SORCS3: variants seen among roughly 807,000 people sequenced by gnomAD.
The protein encoded by SORCS3 is VPS10 domain-containing receptor SorCS3.
A neutral mutation model predicts 146.3 loss-of-function variants in SORCS3; 57 were observed. That is an observed-to-expected ratio of 0.39 (90% CI 0.31 to 0.49). The LOEUF is 0.49. SORCS3 is among the 20% of genes least tolerant of loss of function. The probability of loss-of-function intolerance (pLI) is 0.92; values close to 1 mark genes in which losing one functional copy is unlikely to be tolerated. For missense variants in SORCS3, 1,341 were observed against 1,575.5 expected (o/e 0.85, Z 2.52); for synonymous variants, 653 against 618.5 (o/e 1.06, Z -0.83).
chr10:105,113,431 T>C (rs770274720), intron 7 of SORCS3, among the ~76,000 whole-genome samples: 1 of 152,226 alleles, frequency 6.6e-6, no homozygotes, highest in Non-Finnish European at 1.5e-5. Context: ...TATTCATTCA[T>C]TAAATTAAAC....
intron 17 of SORCS3, among the ~76,000 whole-genome samples, chr10:105,211,513 T>C (rs1168281136): frequency 3.3e-5 from 5 of 152,304 alleles, no homozygotes; most frequent in Middle Eastern, 6.8e-3. Context: ...TTAATCCTTC[T>C]CTTCTGGAAG....
chr10:105,186,906 T>A (rs1046036944), intron 14 of SORCS3, among the ~76,000 whole-genome samples: 2 of 144,264 alleles, frequency 1.4e-5, no homozygotes, highest in African/African-American at 5.1e-5. Context: ...AAAAAAAAAT[T>A]CCCTCTTTCC....
intron 1 of SORCS3, among the ~76,000 whole-genome samples, chr10:104,681,337 C>T (rs945767506): frequency 2.0e-5 from 3 of 152,046 alleles, no homozygotes; most frequent in African/African-American, 7.2e-5. Flanking sequence ...CCTCCCCCGC[C>T]CGCCCCTGCC....
rs73352813 is a variant in SORCS3, at chr10:105,210,752, A to G, written c.2262-385A>G. 6.2e-3 allele frequency among the ~76,000 whole-genome samples: 949 copies of G among 152,278 alleles called. 13 individuals are homozygous for G. The highest frequency in any genetic ancestry group is 0.022 in the African/African-American group (914 of 41,572). On this transcript the variant is annotated intron_variant, in intron 16 of 26. Coordinates refer to ENST00000369701, the MANE Select transcript of SORCS3 (RefSeq NM_014978.3). ...GGACATGTATATACTTGTTTCAGAG[A>G]GGGTGAGTCATTGTCTTTGTTGTCA...
At chr10:104,792,883 T>G (rs1219836936) in intron 1 of SORCS3, among the ~76,000 whole-genome samples, 1 of 152,154 alleles carries the variant, frequency 6.6e-6, no homozygotes, top group African/African-American at 2.4e-5. Flanking sequence ...ACAATGTCTG[T>G]GTTCTTACTT....
At chr10:105,056,977 G>A (rs115311635) in intron 5 of SORCS3, among the ~76,000 whole-genome samples, 214 of 152,198 alleles carry the variant, frequency 1.4e-3, no homozygotes, top group African/African-American at 5.1e-3. Flanking sequence ...TGCTGCATAT[G>A]TACATAGTAA....
intron 1 of SORCS3, among the ~76,000 whole-genome samples, chr10:104,796,596 G>A (rs555419707): frequency 2.8e-4 from 42 of 152,060 alleles, no homozygotes; most frequent in African/African-American, 9.9e-4. Context: ...TTTCCATTTT[G>A]TTGGAAATAT....
chr10:105,119,541 C>A (rs2055916717), intron 7 of SORCS3, among the ~76,000 whole-genome samples: 1 of 152,172 alleles, frequency 6.6e-6, no homozygotes, highest in African/African-American at 2.4e-5. Flanking sequence ...ACACTCAATG[C>A]CTGCCTGTGA....
chr10:104,644,382 T>C (rs1434763727), intron 1 of SORCS3, among the ~76,000 whole-genome samples: 1 of 152,256 alleles, frequency 6.6e-6, no homozygotes, highest in Non-Finnish European at 1.5e-5. Context: ...ATCAGGTCTG[T>C]GAGCCTGTGT....
At position 105,123,077 on chromosome 10, in the gene SORCS3, C is replaced by T. The variant is rs544840926; in HGVS notation, c.1213-16320C>T. ...TTCTGTTGTTGTTCTTGGAGAACTG[C>T]CTTCCAGGCAAAACTGTTGAAGACA... On this transcript the variant is annotated intron_variant, in intron 7 of 26. Transcript: ENST00000369701. Among the ~76,000 whole-genome samples the T allele has an allele frequency of 2.6e-5, 4 of 152,316 alleles. No individual in the cohort carries two copies. The East Asian group carries it at 7.7e-4, about 29-fold the overall frequency.
At chr10:105,098,863 T>C (rs2055764626) in intron 6 of SORCS3, among the ~76,000 whole-genome samples, 1 of 152,216 alleles carries the variant, frequency 6.6e-6, no homozygotes, top group South Asian at 2.1e-4. Flanking sequence ...ATGGTAGGAC[T>C]GCTGAGATAT....
chr10:105,066,677 T>G (rs932452194), intron 5 of SORCS3, among the ~76,000 whole-genome samples: 1 of 152,170 alleles, frequency 6.6e-6, no homozygotes, highest in Non-Finnish European at 1.5e-5. Flanking sequence ...TCCACTCTTC[T>G]TATTTGATTA....
chr10:104,793,244 A>G (rs1011245), intron 1 of SORCS3, among the ~76,000 whole-genome samples: 112,939 of 152,054 alleles, frequency 0.74, 42,158 homozygotes, highest in East Asian at 0.92. Flanking sequence ...TAATGAGTCT[A>G]TATTCTTCCT....
intron 4 of SORCS3, among the ~76,000 whole-genome samples, chr10:105,040,551 G>A (rs939075976): frequency 2.0e-5 from 3 of 152,066 alleles, no homozygotes; most frequent in African/African-American, 7.2e-5. Context: ...AACCTCTAGA[G>A]CTTTAGCCCT....
chr10:105,238,837 A>G (rs918610958), intron 20 of SORCS3, among the ~76,000 whole-genome samples: 44 of 152,226 alleles, frequency 2.9e-4, no homozygotes, highest in African/African-American at 9.9e-4. Flanking sequence ...TCCCATAGGC[A>G]TAAAAGTATG....
At chr10:104,796,018 C>T (rs142019019) in intron 1 of SORCS3, among the ~76,000 whole-genome samples, 129 of 152,310 alleles carry the variant, frequency 8.5e-4, no homozygotes, top group African/African-American at 3.0e-3. Flanking sequence ...CCTGAGCTGT[C>T]ATGTGTCTTT....
At chr10:105,082,357 G>C (rs1246162865) in intron 5 of SORCS3, among the ~76,000 whole-genome samples, 1 of 151,898 alleles carries the variant, frequency 6.6e-6, no homozygotes, top group East Asian at 2.0e-4. Flanking sequence ...ATCAGTCGGG[G>C]AGCTGGGGGA....
chr10:105,121,839 G>A (rs1224131908), intron 7 of SORCS3, among the ~76,000 whole-genome samples: 7 of 152,272 alleles, frequency 4.6e-5, no homozygotes, highest in Non-Finnish European at 5.9e-5. Flanking sequence ...GGGTGGCAGC[G>A]TGGAGAATCA....
intron 3 of SORCS3, among the ~76,000 whole-genome samples, chr10:104,956,306 G>A (rs747233778): frequency 1.2e-4 from 19 of 152,074 alleles, no homozygotes; most frequent in Middle Eastern, 3.2e-3. Flanking sequence ...TTCCTTTCTC[G>A]TTCTTCAGGA....
Sources: allele counts gnomAD v4.1 joint callset (sites outside exome capture counted in the v4.1 genomes callset), GRCh38; gene constraint gnomAD v4.1.1; transcripts MANE v1.5; gene names NCBI Gene and HGNC (gene_info 2026-07-23, HGNC 2026-07-21).